Variants in NLRP10 observed in about 807,000 individuals in gnomAD.
NLRP10 encodes NLR family pyrin domain containing 10, also known as NACHT, LRR and PYD domains-containing protein 10.
A neutral mutation model predicts 8.2 loss-of-function variants in NLRP10; 7 were observed. That is an observed-to-expected ratio of 0.85 (90% CI 0.48 to 1.60). The LOEUF is 1.60. NLRP10 is among the 40% of genes most tolerant of loss of function. NLRP10 has a pLI of 0.00. For missense variants in NLRP10, 814 were observed against 776.3 expected (o/e 1.05, Z -0.58); for synonymous variants, 338 against 314.0 (o/e 1.08, Z -0.81).
In NLRP10 at chr11:7,960,118, C is replaced by G. The variant is rs1374038605; in HGVS notation, c.1494G>C (p.Leu498=). The change falls in exon 3 of 3, where the codon CTG becomes CTC. Residue 498 remains leucine, a synonymous_variant. Coordinates refer to ENST00000691676, the MANE Select transcript of NLRP10 (RefSeq NM_001391958.1). ...GKESRREVQR[L]LEVKEQEGND... ...TCCCTTCCTGCTCCTTTACCTCCAG[C>G]AGCCTTTGCACTTCTCTGCGGGACT... The G allele has an allele frequency of 6.2e-7, 1 of 1,614,128 alleles. No homozygotes were observed. Among genetic ancestry groups the G allele is most frequent in the South Asian group, 1.1e-5 (1 of 91,076 alleles).
Position 7,959,044 on chromosome 11 carries a change from G to A in NLRP10, c.*600C>T, listed in dbSNP as rs183830295. Among the ~76,000 whole-genome samples, 88 of 151,800 alleles carry A rather than the reference G, an allele frequency of 5.8e-4. No homozygotes were observed. Among genetic ancestry groups the A allele is most frequent in the African/African-American group, 2.0e-3 (84 of 41,364 alleles). Reference sequence around the variant, plus strand: ...TTGCTGTTATATCTAAAAAGTCATCGCCAAACCCAAGGTCACCTAGATTTT... The same window carrying A: ...TTGCTGTTATATCTAAAAAGTCATCACCAAACCCAAGGTCACCTAGATTTT... On this transcript the variant is annotated 3_prime_UTR_variant, in exon 3 of 3. Transcript: ENST00000691676.
At position 7,957,974 on chromosome 11, in the gene NLRP10, T is replaced by C. The variant is rs1488626156; in HGVS notation, c.*1670A>G. On this transcript the variant is annotated 3_prime_UTR_variant, in exon 3 of 3. Coordinates refer to ENST00000691676, the MANE Select transcript of NLRP10 (RefSeq NM_001391958.1). ...CATATATTTGGAATTACACAGTATG[T>C]AGCCTTTTCAGACTGACTTCTTTCA... is the stretch of plus-strand genomic sequence containing the variant. Among the ~76,000 whole-genome samples the C allele has an allele frequency of 1.3e-5, 2 of 152,248 alleles. No homozygotes were observed. The highest frequency in any genetic ancestry group is 4.8e-5 in the African/African-American group (2 of 41,468).
rs774753115 is a variant in NLRP10 at position 7,960,132 on chromosome 11, C to G, written c.1480G>C (p.Glu494Gln). The change falls in exon 3 of 3, where the codon GAA (glutamate) becomes CAA (glutamine). Residue 494 changes from glutamate to glutamine, a missense_variant. Transcript: ENST00000691676. ...TTTACCTCCAGCAGCCTTTGCACTT[C>G]TCTGCGGGACTCCTTCCCCAGCCGG... ...QSRLGKESRREVQRLLEVKEQ... is the reference protein window; with the variant it reads ...QSRLGKESRRQVQRLLEVKEQ... The G allele has an allele frequency of 3.7e-5, 59 of 1,614,062 alleles. No homozygotes were observed. The South Asian group carries it at 6.1e-4, about 17-fold the overall frequency.
At chr11:7,962,228 G>GTTTTTTTTTTTTTTTTTTTT (rs1196465022) in intron 2 of NLRP10, among the ~76,000 whole-genome samples, 1 of 36,858 alleles carries the variant, frequency 2.7e-5, no homozygotes, top group Non-Finnish European at 6.0e-5. Context: ...AGATAAGCCT[G>GTTTTTTTTTTTTTTTTTTTT]TTCTTTTTTT....
In NLRP10 at chr11:7,959,987, G is replaced by A. The variant is rs1382393492; in HGVS notation, c.1625C>T (p.Ala542Val). ...TTCTTTAAAATGCTTCAGATCCTGCGCTAAACAGGGAGAAATTCTGAAGCA... is the reference window on the plus strand; with the variant it reads ...TTCTTTAAAATGCTTCAGATCCTGCACTAAACAGGGAGAAATTCTGAAGCA... ...KFCFRISPCL[A>V]QDLKHFKEQM... Residue 542 changes from alanine (A) to valine (V), a missense_variant, in exon 3 of 3, where the codon GCG becomes GTG. Physicochemically the swap from Ala to Val is moderately conservative, Grantham distance 64 (BLOSUM62 0). Coordinates refer to ENST00000691676, the MANE Select transcript of NLRP10 (RefSeq NM_001391958.1). 9 of 1,613,806 alleles carry A rather than the reference G, an allele frequency of 5.6e-6. No individual in the cohort carries two copies. The highest frequency in any genetic ancestry group is 7.6e-6 in the Non-Finnish European group (9 of 1,179,918).
chr11:7,962,444 G>A (rs565464272), intron 2 of NLRP10, among the ~76,000 whole-genome samples: 1 of 151,892 alleles, frequency 6.6e-6, no homozygotes, highest in East Asian at 1.9e-4. Flanking sequence ...CACCGTGTTA[G>A]CCAGGATGGT....
Position 7,960,678 on chromosome 11 carries a change from T to A in NLRP10, c.934A>T (p.Ile312Phe), listed in dbSNP as rs150634549. 14 of 1,614,160 alleles carry A rather than the reference T, an allele frequency of 8.7e-6. No individual in the cohort carries two copies. In the African/African-American group the frequency reaches 1.9e-4, roughly 22 times the overall value. ...PLLKQARHVHILGFSEEERAR... is the reference protein window; with the variant it reads ...PLLKQARHVHFLGFSEEERAR... ...CTCTCCTCCTCAGAGAAGCCTAGGATATGGACATGACGTGCTTGTTTCAGC... is the reference window on the plus strand; with the variant it reads ...CTCTCCTCCTCAGAGAAGCCTAGGAAATGGACATGACGTGCTTGTTTCAGC... The change falls in exon 3 of 3, where the codon ATC becomes TTC. Residue 312 changes from isoleucine to phenylalanine, a missense_variant. Ile to Phe is a conservative substitution (Grantham distance 21, BLOSUM62 0). Transcript: ENST00000691676.
rs772428914 is a variant in NLRP10 at position 7,960,219 on chromosome 11, G to A, written c.1393C>T (p.Arg465Cys). 17 of 1,614,018 alleles carry A rather than the reference G, an allele frequency of 1.1e-5. No homozygotes were observed. The highest frequency in any genetic ancestry group is 2.7e-5 in the African/African-American group (2 of 74,898). ...AAAAAGTCCTGGAAGCTGATGTGGC[G>A]GAAGCTGTAGAACTTCTTGATGGCA... ...GLAIKKFYSFRHISFQDFFHA... is the reference protein window; with the variant it reads ...GLAIKKFYSFCHISFQDFFHA... The change falls in exon 3 of 3, where the codon CGC becomes TGC. Residue 465 changes from arginine (R) to cysteine (C), a missense_variant. Transcript: ENST00000691676.
At position 7,960,708 on chromosome 11, in the gene NLRP10, G is replaced by A; in HGVS notation, c.904C>T (p.Pro302Ser). ...TRPLALRNLEPLLKQARHVHI... is the reference protein window; with the variant it reads ...TRPLALRNLESLLKQARHVHI... Reference sequence around the variant, plus strand: ...ACATGACGTGCTTGTTTCAGCAAGGGCTCCAGATTCCTCAAAGCCAGGGGC... The same window carrying A: ...ACATGACGTGCTTGTTTCAGCAAGGACTCCAGATTCCTCAAAGCCAGGGGC... The change falls in exon 3 of 3, where the codon CCC becomes TCC. Residue 302 changes from proline to serine, a missense_variant. By Grantham distance (74) the Pro-to-Ser change is moderately conservative. Coordinates refer to ENST00000691676, the MANE Select transcript of NLRP10 (RefSeq NM_001391958.1). 1 of 1,614,172 alleles carries A rather than the reference G, an allele frequency of 6.2e-7. No homozygotes were observed. The highest frequency in any genetic ancestry group is 8.5e-7 in the Non-Finnish European group (1 of 1,180,028).
Position 7,959,146 on chromosome 11 carries a change from G to A in NLRP10, c.*498C>T, listed in dbSNP as rs973039222. The stretch of plus-strand genomic sequence containing the variant: ...TAGATTCATTTTTTTACATGTGGAT[G>A]TCCAGTTATTTCAGCACCATTTGTT... On this transcript the variant is annotated 3_prime_UTR_variant, in exon 3 of 3. Coordinates refer to ENST00000691676, the MANE Select transcript of NLRP10 (RefSeq NM_001391958.1). 3.4e-4 allele frequency among the ~76,000 whole-genome samples: 52 copies of A among 152,040 alleles called. No homozygotes were observed. The highest frequency in any genetic ancestry group is 3.2e-3 in the Middle Eastern group (1 of 314).
In NLRP10 at chr11:7,960,794, A is replaced by T. The variant is rs770493117; in HGVS notation, c.818T>A (p.Leu273Gln). The change falls in exon 3 of 3, where the codon CTG (leucine) becomes CAG (glutamine). Residue 273 changes from leucine (L) to glutamine (Q), a missense_variant. Leu to Gln is a moderately radical substitution (Grantham distance 113, BLOSUM62 -2). Coordinates refer to ENST00000691676, the MANE Select transcript of NLRP10 (RefSeq NM_001391958.1). Reference sequence around the variant, plus strand: ...ATGTCTCCTAATTAGAAGGTGCAGCAGGCTCTCCTTGGGACTCAAACCCCT... The same window carrying T: ...ATGTCTCCTAATTAGAAGGTGCAGCTGGCTCTCCTTGGGACTCAAACCCCT... ...KKRGLSPKES[L>Q]LHLLIRRHTL... 4 of 1,614,120 alleles carry T rather than the reference A, an allele frequency of 2.5e-6. No individual in the cohort carries two copies. Among genetic ancestry groups the T allele is most frequent in the Non-Finnish European group, 3.4e-6 (4 of 1,180,022 alleles).
Position 7,959,951 on chromosome 11 carries a change from G to A in NLRP10, c.1661C>T (p.Ser554Phe). 1 of 1,614,068 alleles carries A rather than the reference G, an allele frequency of 6.2e-7. No homozygotes were observed. Among genetic ancestry groups the A allele is most frequent in the South Asian group, 1.1e-5 (1 of 91,082 alleles). The change falls in exon 3 of 3, where the codon TCT (serine) becomes TTT (phenylalanine). Residue 554 changes from serine (S) to phenylalanine (F), a missense_variant. Ser to Phe is a radical substitution (Grantham distance 155, BLOSUM62 -2). Coordinates refer to ENST00000691676, the MANE Select transcript of NLRP10 (RefSeq NM_001391958.1). ...ATCCCAGGTCCTGTTGTGCTTCATAGATTCCATCTGTTCTTTAAAATGCTT... is the reference window on the plus strand; with the variant it reads ...ATCCCAGGTCCTGTTGTGCTTCATAAATTCCATCTGTTCTTTAAAATGCTT... The part of the protein sequence containing the change: ...DLKHFKEQME[S>F]MKHNRTWDLE...
At chr11:7,962,241 T>TTTTTTTTA in intron 2 of NLRP10, among the ~76,000 whole-genome samples, 1 of 114,200 alleles carries the variant, frequency 8.8e-6, no homozygotes, top group African/African-American at 3.1e-5. Context: ...CTTTTTTTTT[T>TTTTTTTTA]TTTTTTTTTT....
In NLRP10 at chr11:7,958,762, A is replaced by C. The variant is rs1941664064; in HGVS notation, c.*882T>G. ...ACGGGGTTTCACCACATTGGCCAGGATGGTCTCGGTCTCTTGACCTCGTGA... is the reference window on the plus strand; with the variant it reads ...ACGGGGTTTCACCACATTGGCCAGGCTGGTCTCGGTCTCTTGACCTCGTGA... On this transcript the variant is annotated 3_prime_UTR_variant, in exon 3 of 3. Transcript: ENST00000691676. 1.3e-5 allele frequency among the ~76,000 whole-genome samples: 2 copies of C among 152,110 alleles called. No homozygotes were observed. The highest frequency in any genetic ancestry group is 4.8e-5 in the African/African-American group (2 of 41,420).
chr11:7,962,823 TG>T (rs1372277361), intron 2 of NLRP10, among the ~76,000 whole-genome samples: 1 of 152,084 alleles, frequency 6.6e-6, no homozygotes, highest in Non-Finnish European at 1.5e-5. Context: ...CTGAGCAGCT[TG>T]CCAGGAAGCA....
chr11:7,961,459 C>A (rs1200236233), intron 2 of NLRP10, 137 bp from the exon 3 acceptor site: 10 of 642,682 alleles, frequency 1.6e-5, no homozygotes, highest in Non-Finnish European at 2.7e-5. Context: ...GTTCTGGCTT[C>A]ATGGGGAGGG....
In NLRP10 at chr11:7,957,695, T is replaced by C. The variant is rs372191875; in HGVS notation, c.*1949A>G. On this transcript the variant is annotated 3_prime_UTR_variant, in exon 3 of 3. Coordinates refer to ENST00000691676, the MANE Select transcript of NLRP10 (RefSeq NM_001391958.1). ...CATTAGTGTGACACATTTGTGATCA[T>C]TGATGAACCAATTTTGATACACTAT... Among the ~76,000 whole-genome samples the C allele has an allele frequency of 1.3e-5, 2 of 152,334 alleles. No individual in the cohort carries two copies. Among genetic ancestry groups the C allele is most frequent in the East Asian group, 3.9e-4 (2 of 5,190 alleles).
chr11:7,964,556 GA>G (rs770629891), intron 1 of NLRP10, among the ~76,000 whole-genome samples: 3 of 152,226 alleles, frequency 2.0e-5, no homozygotes, highest in Non-Finnish European at 2.9e-5. Context: ...GGCAGTCAGA[GA>G]AAAATGGTTT....
chr11:7,962,231 CTTTTTTT>C (rs71452435), intron 2 of NLRP10, among the ~76,000 whole-genome samples: 10 of 66,992 alleles, frequency 1.5e-4, no homozygotes, highest in Non-Finnish European at 2.6e-4. Context: ...TAAGCCTGTT[CTTTTTTT>C]TTTTTTTTTT....
Sources: gnomAD v4.1 joint callset for allele counts (sites outside exome capture counted in the v4.1 genomes callset) on GRCh38, gnomAD v4.1.1 for gene constraint, MANE v1.5 for transcripts, NCBI Gene and HGNC (gene_info 2026-07-23, HGNC 2026-07-21) for gene names.